Variants in ASTN1 observed in about 807,000 individuals in gnomAD.
ASTN1 encodes the protein astrotactin-1.
A neutral mutation model predicts 140.7 loss-of-function variants in ASTN1; 41 were observed. The ratio of observed to expected loss-of-function variants is 0.29; its 90% CI spans 0.23 to 0.38. The LOEUF (loss-of-function observed/expected upper bound fraction) is 0.38. Among genes scored for constraint, ASTN1 ranks in the 10% least tolerant of loss-of-function variants. ASTN1 has a pLI of 1.00. For synonymous variants in ASTN1, 640 were observed against 652.2 expected, an observed-to-expected ratio of 0.98 and a Z score of 0.29; for missense variants, 1,479 against 1,678.8, an observed-to-expected ratio of 0.88 and a Z score of 2.08.
Position 176,868,913 on chromosome 1 carries a change from T to C in ASTN1, c.3578A>G (p.Tyr1193Cys). ...LGSPTLHRVL[Y>C]HYNQHYESFG... ...ACTCTCATAGTGCTGGTTATAGTGG[T>C]AGAGGACCCGGTGTAAGGTGGGGGA... The change falls in exon 22 of 23, where the codon TAC becomes TGC. Residue 1193 changes from tyrosine (Y) to cysteine (C), a missense_variant. Physicochemically the swap from Tyr to Cys is radical, Grantham distance 194 (BLOSUM62 -2). This residue lies in a region of ASTN1 where 746 missense variants were observed against 800.9 expected (regional missense o/e 0.93). Transcript: ENST00000361833. 1 of 1,612,184 alleles carries C rather than the reference T, an allele frequency of 6.2e-7. No individual in the cohort carries two copies. The highest frequency in any genetic ancestry group is 8.5e-7 in the Non-Finnish European group (1 of 1,178,740).
At chr1:176,923,815 A>C (rs1055937525) in intron 16 of ASTN1, among the ~76,000 whole-genome samples, 9 of 152,194 alleles carry the variant, frequency 5.9e-5, no homozygotes, top group African/African-American at 1.9e-4. Flanking sequence ...TTAGGACATG[A>C]AGTACTCATC....
chr1:177,013,682 C>T (rs1289082532), intron 8 of ASTN1, among the ~76,000 whole-genome samples: 1 of 152,190 alleles, frequency 6.6e-6, no homozygotes, highest in Non-Finnish European at 1.5e-5. Flanking sequence ...ACCTGTCAAG[C>T]TGCAAACACA....
intron 1 of ASTN1, among the ~76,000 whole-genome samples, chr1:177,096,135 G>A (rs1447382471): frequency 6.6e-6 from 1 of 152,060 alleles, no homozygotes; most frequent in Non-Finnish European, 1.5e-5. Context: ...CCCACCATTT[G>A]TATTTTGGAA....
In ASTN1 at chr1:176,943,984, G is replaced by C. The variant is rs982383409; in HGVS notation, c.2284C>G (p.Leu762Val). ...NNFARGLDQQ[L>V]PDGLVVATVP... Reference sequence around the variant, plus strand: ...GTGGCCACCACAAGACCATCTGGCAGTTGCTGGTCTAAACCACGAGCAAAG... The same window carrying C: ...GTGGCCACCACAAGACCATCTGGCACTTGCTGGTCTAAACCACGAGCAAAG... Residue 762 changes from leucine to valine, a missense_variant, in exon 14 of 23, where the codon CTG (leucine) becomes GTG (valine). Coordinates refer to ENST00000361833, the MANE Select transcript of ASTN1 (RefSeq NM_004319.3). 6.2e-7 allele frequency: 1 copy of C among 1,614,066 alleles called. No homozygotes were observed. Among genetic ancestry groups the C allele is most frequent in the Admixed American group, 1.7e-5 (1 of 60,012 alleles).
At chr1:176,882,409 C>T (rs917024896) in intron 20 of ASTN1, among the ~76,000 whole-genome samples, 1 of 152,228 alleles carries the variant, frequency 6.6e-6, no homozygotes, top group Non-Finnish European at 1.5e-5. Flanking sequence ...CACCTTCATG[C>T]TTCTTCACCT....
At position 177,033,782 on chromosome 1, in the gene ASTN1, G is replaced by A. The variant is rs1400274701; in HGVS notation, c.472-933C>T. Among the ~76,000 whole-genome samples, 4 of 152,142 alleles carry A rather than the reference G, an allele frequency of 2.6e-5. No individual in the cohort carries two copies. In the East Asian group the frequency reaches 7.7e-4, roughly 29 times the overall value. On this transcript the variant is annotated intron_variant, in intron 2 of 22. Transcript: ENST00000361833. ...CTCGAAGGTCATTCCTTACAAATCAGGACACCACTCTGTCGACTGCCAGAG... is the reference window on the plus strand; with the variant it reads ...CTCGAAGGTCATTCCTTACAAATCAAGACACCACTCTGTCGACTGCCAGAG...
chr1:177,126,401 T>C (rs1313309432), intron 1 of ASTN1, among the ~76,000 whole-genome samples: 1 of 152,170 alleles, frequency 6.6e-6, no homozygotes, highest in African/African-American at 2.4e-5. Flanking sequence ...CCTTGTGTCT[T>C]AGCATCTCTT....
chr1:177,006,904 C>T (rs1675026879), intron 8 of ASTN1, among the ~76,000 whole-genome samples: 2 of 152,186 alleles, frequency 1.3e-5, no homozygotes, highest in African/African-American at 4.8e-5. Context: ...GGCTGTCAAA[C>T]ATAGACTGTC....
intron 22 of ASTN1, among the ~76,000 whole-genome samples, chr1:176,865,040 C>T (rs1407055157): frequency 3.3e-5 from 5 of 152,088 alleles, no homozygotes; most frequent in Non-Finnish European, 7.4e-5. Context: ...ACAATAATGC[C>T]CTCAGTTCAT....
At position 176,864,271 on chromosome 1, in the gene ASTN1, T is replaced by A; in HGVS notation, c.*13A>T. On this transcript the variant is annotated 3_prime_UTR_variant, in exon 23 of 23. Transcript: ENST00000361833. ...CTACTTCATTCTGGCAGCAGCTCCC[T>A]GGCCTTATGGTGCTAGATCTCTTTG... The A allele has an allele frequency of 6.2e-7, 1 of 1,612,022 alleles. No individual in the cohort carries two copies. The highest frequency in any genetic ancestry group is 1.3e-5 in the African/African-American group (1 of 75,030).
Position 176,958,350 on chromosome 1 carries a change from C to A in ASTN1, c.1731G>T (p.Glu577Asp). 6.2e-7 allele frequency: 1 copy of A among 1,614,030 alleles called. No individual in the cohort carries two copies. Among genetic ancestry groups the A allele is most frequent in the South Asian group, 1.1e-5 (1 of 91,052 alleles). Reference protein sequence around the residue: ...TDMTVMEDAVEVREELMTSSS... With the variant: ...TDMTVMEDAVDVREELMTSSS... Reference sequence around the variant, plus strand: ...AGTCCTGAAGCCAGACTCACCTGACCTCCACAGCATCCTCCATCACAGTCA... The same window carrying A: ...AGTCCTGAAGCCAGACTCACCTGACATCCACAGCATCCTCCATCACAGTCA... The change falls in exon 10 of 23, where the codon GAG (glutamate) becomes GAT (aspartate). Residue 577 changes from glutamate to aspartate, a missense_variant. Glu to Asp is a conservative substitution (Grantham distance 45). Transcript: ENST00000361833.
intron 1 of ASTN1, among the ~76,000 whole-genome samples, chr1:177,077,680 T>C (rs987738986): frequency 1.2e-4 from 19 of 152,156 alleles, no homozygotes; most frequent in African/African-American, 4.6e-4. Flanking sequence ...GGAACAGTAT[T>C]AGCAAGGTTC....
At chr1:177,070,809 A>G (rs1192612107) in intron 1 of ASTN1, among the ~76,000 whole-genome samples, 2 of 152,144 alleles carry the variant, frequency 1.3e-5, no homozygotes. Flanking sequence ...TTTTAAGGCC[A>G]CTGTTGTTTT....
At chr1:177,103,997 G>A (rs1225482401) in intron 1 of ASTN1, among the ~76,000 whole-genome samples, 1 of 152,140 alleles carries the variant, frequency 6.6e-6, no homozygotes, top group Non-Finnish European at 1.5e-5. Flanking sequence ...GAGTTAAAGG[G>A]TATGGCCTGG....
chr1:177,071,484 T>C lies in ASTN1; in HGVS notation c.284-10219A>G, dbSNP rs148912732. ...CTGTGTGAGCACCTGTCATCATAAA[T>C]GCCAAGAAGTACTGCACTCAAGTAC... On this transcript the variant is annotated intron_variant, in intron 1 of 22. Transcript: ENST00000361833. 2.8e-3 allele frequency among the ~76,000 whole-genome samples: 420 copies of C among 152,336 alleles called. 3 individuals carry two copies. The highest frequency in any genetic ancestry group is 9.7e-3 in the South Asian group (47 of 4,822).
intron 8 of ASTN1, among the ~76,000 whole-genome samples, chr1:176,994,887 A>C (rs1674366089): frequency 6.6e-6 from 1 of 152,170 alleles, no homozygotes; most frequent in Non-Finnish European, 1.5e-5. Flanking sequence ...CCAGGTACCT[A>C]ACACAATCCC....
intron 7 of ASTN1, among the ~76,000 whole-genome samples, chr1:177,015,729 AT>A (rs1002075147): frequency 6.6e-6 from 1 of 152,150 alleles, no homozygotes; most frequent in Non-Finnish European, 1.5e-5. Context: ...CATAACATTC[AT>A]CTTATTTACA....
intron 16 of ASTN1, among the ~76,000 whole-genome samples, chr1:176,906,302 T>C (rs1054778084): frequency 6.6e-6 from 1 of 152,166 alleles, no homozygotes; most frequent in Non-Finnish European, 1.5e-5. Flanking sequence ...ATTCTGTGTA[T>C]TTTCAGAGAG....
intron 14 of ASTN1, among the ~76,000 whole-genome samples, chr1:176,936,862 G>C (rs1351797037): frequency 6.6e-6 from 1 of 152,220 alleles, no homozygotes; most frequent in Non-Finnish European, 1.5e-5. Flanking sequence ...TCTACCAGCT[G>C]TATGGTTTTG....
Sources: allele counts gnomAD v4.1 joint callset (sites outside exome capture counted in the v4.1 genomes callset), GRCh38; gene constraint gnomAD v4.1.1; regional missense constraint gnomAD v4.1.1; transcripts MANE v1.5; gene names NCBI Gene and HGNC (gene_info 2026-07-23, HGNC 2026-07-21).